Variants in KIF21B observed in about 807,000 individuals in gnomAD.
The protein encoded by KIF21B is kinesin family member 21B, also known as kinesin-like protein KIF21B.
KIF21B carries 85 observed loss-of-function variants against 192.9 expected under a neutral mutation model. The observed-to-expected ratio is 0.44, with a 90% CI of 0.37 to 0.53. The LOEUF (loss-of-function observed/expected upper bound fraction) is 0.53. Among genes scored for constraint, KIF21B ranks in the 20% least tolerant of loss-of-function variants. The pLI, the probability that KIF21B is intolerant of heterozygous loss-of-function variation, is 0.00. For synonymous variants in KIF21B, 832 were observed against 884.6 expected, an observed-to-expected ratio of 0.94 and a Z score of 1.05; for missense variants, 1,716 against 2,194.8, an observed-to-expected ratio of 0.78 and a Z score of 4.36.
Position 201,000,347 on chromosome 1 carries a change from G to A in KIF21B, c.1685+43C>T, listed in dbSNP as rs756981268. Reference sequence around the variant, plus strand: ...TTGGGGACGGGCAGGGTCCACTGGGGCGGTCTGAGGGCTCTCAGGGGCGGG... The same window carrying A: ...TTGGGGACGGGCAGGGTCCACTGGGACGGTCTGAGGGCTCTCAGGGGCGGG... On this transcript the variant is annotated intron_variant, in intron 11 of 34. Transcript: ENST00000461742. This position sits in a 1 kb window ranked among gnomAD's most constrained non-coding sequence, Gnocchi z 6.0. The A allele has an allele frequency of 6.6e-7, 1 of 1,511,642 alleles. No individual in the cohort carries two copies. Among genetic ancestry groups the A allele is most frequent in the Admixed American group, 2.2e-5 (1 of 44,720 alleles). The allele number at this position is 1,511,642 out of a possible 1,614,324, so 93.6% of individuals were successfully genotyped here.
At chr1:200,986,615 C>A (rs1656321479) in intron 26 of KIF21B, among the ~76,000 whole-genome samples, 1 of 152,208 alleles carries the variant, frequency 6.6e-6, no homozygotes, top group Non-Finnish European at 1.5e-5. Context: ...ATCTCAGCCT[C>A]CCAAAGTGCT....
chr1:201,007,729 T>TAC (rs921104804), intron 3 of KIF21B, among the ~76,000 whole-genome samples: 1 of 123,334 alleles, frequency 8.1e-6, no homozygotes, highest in South Asian at 2.6e-4. Context: ...TAGACACACA[T>TAC]ACACACACAC....
intron 21 of KIF21B, among the ~76,000 whole-genome samples, chr1:200,989,549 T>C (rs1474246040): frequency 2.6e-5 from 4 of 152,220 alleles, no homozygotes; most frequent in African/African-American, 9.6e-5. Context: ...TAAACCCTCC[T>C]GGGTGGAATG....
Position 200,996,186 on chromosome 1 carries a change from C to A in KIF21B, c.2277+10G>T. 6.2e-7 allele frequency: 1 copy of A among 1,612,380 alleles called. No homozygotes were observed. The highest frequency in any genetic ancestry group is 8.5e-7 in the Non-Finnish European group (1 of 1,179,880). On this transcript the variant is annotated intron_variant, in intron 15 of 34. Coordinates refer to ENST00000461742, the MANE Select transcript of KIF21B (RefSeq NM_001252102.2). ...CTCCAGGCCCCACTCCTCACACCCT[C>A]GGCCCCTACCTTGGCCTTCTTCATC...
intron 14 of KIF21B, among the ~76,000 whole-genome samples, chr1:200,997,638 GA>G (rs1375678952): frequency 3.3e-5 from 5 of 152,144 alleles, no homozygotes; most frequent in African/African-American, 1.2e-4. Flanking sequence ...AGCTACTCAG[GA>G]GGCTGAGGCA....
At chr1:201,020,013 T>C (rs1395829274) in intron 1 of KIF21B, among the ~76,000 whole-genome samples, 3 of 152,118 alleles carry the variant, frequency 2.0e-5, no homozygotes, top group Non-Finnish European at 4.4e-5. Context: ...AATCTAACAT[T>C]GTCCCTTGGG....
intron 21 of KIF21B, 53 bp from the exon 22 acceptor site, chr1:200,988,984 C>T (rs1656498480): frequency 6.5e-7 from 1 of 1,528,730 alleles, no homozygotes; most frequent in South Asian, 1.2e-5. Context: ...TTGGGAGTCA[C>T]CCATATCACA....
intron 21 of KIF21B, among the ~76,000 whole-genome samples, chr1:200,989,511 A>G (rs750442772): frequency 1.3e-5 from 2 of 152,194 alleles, no homozygotes; most frequent in Non-Finnish European, 2.9e-5. Flanking sequence ...AGCCCAAGAA[A>G]TGTCGAGGGA....
rs556514123 is a variant in KIF21B, at chr1:200,983,176, G to T, written c.3804-82C>A. 7.4e-5 allele frequency: 93 copies of T among 1,253,536 alleles called. No homozygotes were observed. The African/African-American group carries it at 1.2e-3, about 16-fold the overall frequency. 77.7% of individuals were successfully genotyped at this position (1,253,536 alleles called of 1,614,324 possible). A position where few individuals can be genotyped will look rare whatever the true frequency, so the allele number is the denominator to read the frequency against. On this transcript the variant is annotated intron_variant, in intron 27 of 34. Transcript: ENST00000461742. ...GACGCAGAGGCGGCAGCAGTGTGTG[G>T]GGTGGTCAGAGGGCAGGTTATTCTC...
intron 26 of KIF21B, among the ~76,000 whole-genome samples, chr1:200,986,362 T>A (rs1362033563): frequency 7.4e-6 from 1 of 135,772 alleles, no homozygotes; most frequent in Non-Finnish European, 1.5e-5. Context: ...CTTTTTTTTT[T>A]CTTTTTTTTT....
intron 14 of KIF21B, among the ~76,000 whole-genome samples, chr1:200,997,436 C>T (rs867629721): frequency 3.9e-5 from 6 of 152,162 alleles, no homozygotes; most frequent in East Asian, 1.9e-4. Flanking sequence ...GAAGTCTTCA[C>T]GACCATCCTT....
chr1:200,983,627 A>G (rs1319526539), intron 27 of KIF21B, among the ~76,000 whole-genome samples: 1 of 152,196 alleles, frequency 6.6e-6, no homozygotes, highest in Admixed American at 6.5e-5. Context: ...GCTGTGCACC[A>G]TGCACAGGCT....
intron 15 of KIF21B, 35 bp from the exon 16 acceptor site, chr1:200,992,424 G>A (rs780157747): frequency 1.2e-6 from 2 of 1,603,512 alleles, no homozygotes; most frequent in Non-Finnish European, 1.7e-6. Context: ...GTGAGACAGG[G>A]CTGGGAGGCA....
chr1:200,999,321 C>T lies in KIF21B; in HGVS notation c.1885+28G>A, dbSNP rs749808022. 1 of 1,613,968 alleles carries T rather than the reference C, an allele frequency of 6.2e-7. No individual in the cohort carries two copies. The highest frequency in any genetic ancestry group is 1.7e-5 in the Admixed American group (1 of 60,020). On this transcript the variant is annotated intron_variant, in intron 13 of 34. Coordinates refer to ENST00000461742, the MANE Select transcript of KIF21B (RefSeq NM_001252102.2). The surrounding 1 kb of genome is among the most constrained non-coding windows in gnomAD (Gnocchi z 4.7). ...CACTGGCAGCCAGGCATTGCATCCC[C>T]CACAGCCCACAGCTCAGGCCCACGC...
Position 200,990,011 on chromosome 1 carries a change from G to T in KIF21B, c.3063C>A (p.Val1021=). 2 of 1,613,976 alleles carry T rather than the reference G, an allele frequency of 1.2e-6. No individual in the cohort carries two copies. The highest frequency in any genetic ancestry group is 2.2e-5 in the South Asian group (2 of 91,034). The part of the protein sequence containing the change: ...EELDSTDTSV[V]ISSCSLAEAR... ...CTTCAGCCAGGGAGCAGGAGCTGAT[G>T]ACCACGGATGTGTCTGTGGAGTCCA... The change falls in exon 21 of 35, where the codon GTC becomes GTA. Residue 1021 remains valine (V), a synonymous_variant. Coordinates refer to ENST00000461742, the MANE Select transcript of KIF21B (RefSeq NM_001252102.2). The surrounding 1 kb of genome is among the most constrained non-coding windows in gnomAD (Gnocchi z 5.4).
chr1:200,995,442 A>G (rs1371314886), intron 15 of KIF21B, among the ~76,000 whole-genome samples: 6 of 152,186 alleles, frequency 3.9e-5, no homozygotes, highest in African/African-American at 1.4e-4. Flanking sequence ...GGATCTGCTG[A>G]GCCCCAGACA....
chr1:200,990,399 C>G lies in KIF21B; in HGVS notation c.2836-67G>C. On this transcript the variant is annotated intron_variant, in intron 19 of 34. Coordinates refer to ENST00000461742, the MANE Select transcript of KIF21B (RefSeq NM_001252102.2). This position sits in a 1 kb window ranked among gnomAD's most constrained non-coding sequence, Gnocchi z 5.4. ...GCCTCAGGTAGCTGCCAAGCCCTGC[C>G]CATAGCTTCCACCACAGGCTGGCCT... is the stretch of plus-strand genomic sequence containing the variant. The G allele has an allele frequency of 6.6e-7, 1 of 1,505,608 alleles. No homozygotes were observed. Among genetic ancestry groups the G allele is most frequent in the South Asian group, 1.2e-5 (1 of 80,932 alleles). The allele number at this position is 1,505,608 out of a possible 1,614,324, so 93.3% of individuals were successfully genotyped here. A position where few individuals can be genotyped will look rare whatever the true frequency, so the allele number is the denominator to read the frequency against.
chr1:200,981,790 G>A (rs1655947910), intron 28 of KIF21B, among the ~76,000 whole-genome samples: 1 of 152,124 alleles, frequency 6.6e-6, no homozygotes, highest in African/African-American at 2.4e-5. Flanking sequence ...GGGCTGTATG[G>A]ACCTGGAACA....
At position 200,990,650 on chromosome 1, in the gene KIF21B, G is replaced by C; in HGVS notation, c.2761C>G (p.Arg921Gly). ...TGCATGACGATGTCAATGATCCGTC[G>C]CTCCAGGGACTGCCACTTGAGCCTT... ...AARLKWQSLERRIIDIVMQRM... is the reference protein window; with the variant it reads ...AARLKWQSLEGRIIDIVMQRM... Residue 921 changes from arginine (R) to glycine (G), a missense_variant, in exon 19 of 35, where the codon CGA becomes GGA. By Grantham distance (125) the Arg-to-Gly change is moderately radical. Coordinates refer to ENST00000461742, the MANE Select transcript of KIF21B (RefSeq NM_001252102.2). This position sits in a 1 kb window ranked among gnomAD's most constrained non-coding sequence, Gnocchi z 5.4. 6.2e-7 allele frequency: 1 copy of C among 1,614,112 alleles called. No individual in the cohort carries two copies. The highest frequency in any genetic ancestry group is 8.5e-7 in the Non-Finnish European group (1 of 1,179,994).
Sources: gnomAD v4.1 joint callset for allele counts (sites outside exome capture counted in the v4.1 genomes callset) on GRCh38, gnomAD v4.1.1 for gene constraint, Gnocchi (gnomAD v3.1) non-coding constraint, MANE v1.5 for transcripts, NCBI Gene and HGNC (gene_info 2026-07-23, HGNC 2026-07-21) for gene names.